The following PSD3 variants were observed in gnomAD, a reference collection of about 807,000 sequenced individuals.
PSD3 encodes the protein PH and SEC7 domain-containing protein 3.
A neutral mutation model predicts 105.5 loss-of-function variants in PSD3; 49 were observed. That is an observed-to-expected ratio of 0.46 (90% confidence interval 0.37 to 0.59). PSD3 has a LOEUF of 0.59. Among genes scored for constraint, PSD3 ranks in the 20% least tolerant of loss-of-function variants. The probability of loss-of-function intolerance (pLI) is 0.00; values close to 1 mark genes in which losing one functional copy is unlikely to be tolerated. For missense variants in PSD3, 1,561 were observed against 1,263.8 expected (o/e 1.24, Z -3.57); for synonymous variants, 557 against 457.8 (o/e 1.22, Z -2.77).
In PSD3 at chr8:18,776,383, AT is replaced by A. The variant is rs764807241; in HGVS notation, c.2083-10846del. 0.024 allele frequency among the ~76,000 whole-genome samples: 3,010 copies of A among 123,806 alleles called. 123 individuals carry two copies. In the East Asian group the frequency reaches 0.25, roughly 10 times the overall value. The allele number at this position is 123,806 out of a possible 152,430, so 81.2% of individuals were successfully genotyped here. The stretch of plus-strand genomic sequence containing the variant: ...ATATCTAAATATATGTATATATATA[AT>A]TTTTTTTTTTTGTTTTTGAGACGGA... On this transcript the variant is annotated intron_variant, in intron 8 of 15. Transcript: ENST00000327040.
chr8:18,969,739 T>C (rs566905044), intron 1 of PSD3, among the ~76,000 whole-genome samples: 3 of 152,292 alleles, frequency 2.0e-5, no homozygotes, highest in South Asian at 2.1e-4. Flanking sequence ...TACCTGTAAG[T>C]TAAAGTAAAC....
intron 1 of PSD3, among the ~76,000 whole-genome samples, chr8:19,061,481 G>T (rs908845002): frequency 9.2e-5 from 14 of 151,990 alleles, no homozygotes; most frequent in African/African-American, 3.4e-4. Flanking sequence ...TTTGTTTGCT[G>T]GTGAACTTGT....
intron 2 of PSD3, among the ~76,000 whole-genome samples, chr8:18,927,292 C>T (rs1461224866): frequency 6.6e-6 from 1 of 152,120 alleles, no homozygotes; most frequent in Non-Finnish European, 1.5e-5. Context: ...TGGCTCATTG[C>T]AACCTCTGCC....
At chr8:18,592,487 A>G (rs781485419) in intron 12 of PSD3, among the ~76,000 whole-genome samples, 1 of 152,208 alleles carries the variant, frequency 6.6e-6, no homozygotes, top group Non-Finnish European at 1.5e-5. Context: ...GGAAGGAAAC[A>G]GACATCCAGA....
chr8:18,577,127 T>C (rs140994903), intron 12 of PSD3, among the ~76,000 whole-genome samples: 50 of 152,138 alleles, frequency 3.3e-4, no homozygotes, highest in Admixed American at 1.4e-3. Flanking sequence ...TTCATTGCTT[T>C]CTAGATAGTT....
chr8:18,543,816 A>C (rs1335906014), intron 15 of PSD3, among the ~76,000 whole-genome samples: 1 of 152,186 alleles, frequency 6.6e-6, no homozygotes, highest in African/African-American at 2.4e-5. Flanking sequence ...AAAGTAGTTT[A>C]ATCATATCCA....
chr8:19,023,766 G>A (rs973709980), intron 1 of PSD3, among the ~76,000 whole-genome samples: 4 of 152,154 alleles, frequency 2.6e-5, no homozygotes, highest in Admixed American at 6.5e-5. Context: ...GCTCTAGAAC[G>A]TTTCCATGAA....
chr8:18,902,355 C>T (rs879878596), intron 2 of PSD3, among the ~76,000 whole-genome samples: 3 of 152,002 alleles, frequency 2.0e-5, no homozygotes, highest in Non-Finnish European at 2.9e-5. Flanking sequence ...TTTATAATTT[C>T]TCTCTCTTTG....
intron 1 of PSD3, among the ~76,000 whole-genome samples, chr8:19,034,706 G>C (rs191640833): frequency 4.1e-4 from 62 of 152,238 alleles, no homozygotes; most frequent in Admixed American, 2.7e-3. Flanking sequence ...GTCTGGATTT[G>C]GGCCCAGTCT....
rs1456384155 is a variant in PSD3, at chr8:18,765,423, C to T, written c.2172+26G>A. 4 of 1,555,300 alleles carry T rather than the reference C, an allele frequency of 2.6e-6. No homozygotes were observed. In the Admixed American group the frequency reaches 5.0e-5, roughly 19 times the overall value. Reference sequence around the variant, plus strand: ...CAGCAAACAGAAATACAAGCATACACTAAAAACCAATAGTTCCATGCTTAC... The same window carrying T: ...CAGCAAACAGAAATACAAGCATACATTAAAAACCAATAGTTCCATGCTTAC... On this transcript the variant is annotated intron_variant, in intron 9 of 15. Coordinates refer to ENST00000327040, the MANE Select transcript of PSD3 (RefSeq NM_015310.4).
At chr8:18,724,543 C>T (rs148964072) in intron 9 of PSD3, among the ~76,000 whole-genome samples, 4 of 151,988 alleles carry the variant, frequency 2.6e-5, no homozygotes, top group Non-Finnish European at 5.9e-5. Flanking sequence ...AGCCCAGAGT[C>T]TGAGGCTGCA....
intron 8 of PSD3, among the ~76,000 whole-genome samples, chr8:18,789,534 T>C (rs1249333196): frequency 6.6e-6 from 1 of 152,092 alleles, no homozygotes; most frequent in South Asian, 2.1e-4. Context: ...AAACAAAAGA[T>C]TTTGGGGCTT....
intron 11 of PSD3, among the ~76,000 whole-genome samples, chr8:18,615,811 A>T (rs891303656): frequency 4.9e-4 from 75 of 152,310 alleles, no homozygotes; most frequent in Middle Eastern, 6.8e-3. Context: ...CCTCTGAAGC[A>T]CCCCAGAAGC....
chr8:18,590,017 T>C (rs10094561), intron 12 of PSD3, among the ~76,000 whole-genome samples: 4 of 151,778 alleles, frequency 2.6e-5, no homozygotes, highest in Admixed American at 6.6e-5. Flanking sequence ...AAATAAACTT[T>C]TGTAAAAAAA....
At chr8:19,025,290 T>C (rs1340639930) in intron 1 of PSD3, among the ~76,000 whole-genome samples, 2 of 152,178 alleles carry the variant, frequency 1.3e-5, no homozygotes, top group East Asian at 3.9e-4. Context: ...GAGAAATCTT[T>C]ATCTTTTTCT....
intron 9 of PSD3, among the ~76,000 whole-genome samples, chr8:18,674,865 C>T (rs1563162529): frequency 6.6e-6 from 1 of 151,998 alleles, no homozygotes; most frequent in Non-Finnish European, 1.5e-5. Flanking sequence ...AAATATTAGC[C>T]TGGAGTGGTG....
intron 11 of PSD3, among the ~76,000 whole-genome samples, chr8:18,610,851 A>T (rs1805211893): frequency 6.6e-6 from 1 of 152,144 alleles, no homozygotes. Context: ...ATAAACTGGG[A>T]GCTAGGCACT....
At chr8:18,838,896 T>A (rs1814380601) in intron 4 of PSD3, among the ~76,000 whole-genome samples, 1 of 151,328 alleles carries the variant, frequency 6.6e-6, no homozygotes, top group Non-Finnish European at 1.5e-5. Flanking sequence ...GCTAGTAAAC[T>A]GCATTTCAAA....
At chr8:18,748,388 C>T (rs548417253) in intron 9 of PSD3, among the ~76,000 whole-genome samples, 5 of 151,998 alleles carry the variant, frequency 3.3e-5, no homozygotes, top group East Asian at 1.9e-4. Flanking sequence ...AGGCTGGGCG[C>T]GATGGCTCAC....
Sources: gnomAD v4.1 joint callset for allele counts (sites outside exome capture counted in the v4.1 genomes callset) on GRCh38, gnomAD v4.1.1 for gene constraint, MANE v1.5 for transcripts, NCBI Gene and HGNC (gene_info 2026-07-23, HGNC 2026-07-21) for gene names.